WDPCP: variants seen among roughly 807,000 people sequenced by gnomAD.
The protein encoded by WDPCP is WD repeat-containing and planar cell polarity effector protein fritz homolog.
WDPCP carries 71 observed loss-of-function variants against 93.1 expected under a neutral mutation model. The observed-to-expected ratio is 0.76, with a 90% CI of 0.63 to 0.93. WDPCP has a LOEUF of 0.93. Ranked by LOEUF, WDPCP falls within the 40% of genes least tolerant of loss-of-function variation. WDPCP has a pLI of 0.00. For synonymous variants in WDPCP, 315 were observed against 315.0 expected, an observed-to-expected ratio of 1.00 and a Z score of 0.00; for missense variants, 844 against 887.4, an observed-to-expected ratio of 0.95 and a Z score of 0.62.
chr2:63,494,293 C>CGACGACGACAATGATGATGACGAT (rs1701081484), intron 1 of WDPCP, among the ~76,000 whole-genome samples: 1 of 151,508 alleles, frequency 6.6e-6, no homozygotes, highest in Non-Finnish European at 1.5e-5. Context: ...ATGATGACGA[C>CGACGACGACAATGATGATGACGAT]GACGACGACA....
intron 2 of WDPCP, among the ~76,000 whole-genome samples, chr2:63,488,561 G>A (rs1700701127): frequency 6.6e-6 from 1 of 151,766 alleles, no homozygotes; most frequent in African/African-American, 2.4e-5. Context: ...AGGACTTCTT[G>A]GATACTGATA....
chr2:63,821,800 A>C (rs1671022724), intron 1 of WDPCP, among the ~76,000 whole-genome samples: 1 of 152,188 alleles, frequency 6.6e-6, no homozygotes, highest in Non-Finnish European at 1.5e-5. Flanking sequence ...CCCTACTCAA[A>C]GGCTTAAAGC....
chr2:63,764,860 T>A (rs905100735), intron 2 of WDPCP, among the ~76,000 whole-genome samples: 2 of 152,210 alleles, frequency 1.3e-5, no homozygotes, highest in Non-Finnish European at 2.9e-5. Flanking sequence ...TCATTCAGAT[T>A]ACTTTCCTAG....
intron 1 of WDPCP, among the ~76,000 whole-genome samples, chr2:63,557,248 G>A (rs1706201235): frequency 6.6e-6 from 1 of 152,202 alleles, no homozygotes; most frequent in Non-Finnish European, 1.5e-5. Context: ...CCAACAGTGT[G>A]CTGTATTCAA....
At chr2:63,264,723 G>T (rs1367517219) in intron 13 of WDPCP, among the ~76,000 whole-genome samples, 2 of 152,096 alleles carry the variant, frequency 1.3e-5, no homozygotes, top group African/African-American at 2.4e-5. Context: ...TTAAAAAAAT[G>T]GACCTAACAG....
At chr2:63,386,535 C>T (rs1313151357) in intron 10 of WDPCP, among the ~76,000 whole-genome samples, 3 of 151,994 alleles carry the variant, frequency 2.0e-5, no homozygotes, top group Non-Finnish European at 4.4e-5. Context: ...ATTAAAATGA[C>T]CATTAATTTC....
intron 12 of WDPCP, among the ~76,000 whole-genome samples, chr2:63,369,797 T>G (rs148133090): frequency 6.6e-6 from 1 of 152,324 alleles, no homozygotes; most frequent in Admixed American, 6.5e-5. Flanking sequence ...ATAATCATGA[T>G]ATTCCCTTTT....
chr2:63,135,142 G>C (rs1008435076), intron 17 of WDPCP, among the ~76,000 whole-genome samples: 1 of 152,008 alleles, frequency 6.6e-6, no homozygotes, highest in African/African-American at 2.4e-5. Context: ...AAAACAAAAA[G>C]CTCTGGATAA....
chr2:63,435,429 A>G (rs543310796), intron 8 of WDPCP, among the ~76,000 whole-genome samples: 1 of 152,278 alleles, frequency 6.6e-6, no homozygotes, highest in Admixed American at 6.5e-5. Flanking sequence ...TTAAGCTCTC[A>G]ATATCATTAA....
rs369304055 is a variant in WDPCP at position 63,597,377 on chromosome 2, G to A, written n.488+53282C>T. The A allele has an allele frequency of 3.9e-5, 53 of 1,344,594 alleles. No homozygotes were observed. The East Asian group carries it at 9.7e-4, about 25-fold the overall frequency. The allele number at this position is 1,344,594 out of a possible 1,614,324, so 83.3% of individuals were successfully genotyped here. A position where few individuals can be genotyped will look rare whatever the true frequency, so the allele number is the denominator to read the frequency against. On this transcript the variant is annotated intron_variant and non_coding_transcript_variant, in intron 3 of 4. Transcript: ENST00000467687. ...AACTTTGATGTTTAAGTAGCTCTGC[G>A]TATTTATTGCCATGTCCACAGATGT...
intron 1 of WDPCP, among the ~76,000 whole-genome samples, chr2:63,543,802 C>T (rs1383302357): frequency 6.6e-6 from 1 of 151,956 alleles, no homozygotes; most frequent in African/African-American, 2.4e-5. Flanking sequence ...AATCCTAGGG[C>T]ATTTTAGAAT....
chr2:63,460,437 CAAT>C (rs1698928224), intron 6 of WDPCP, among the ~76,000 whole-genome samples: 1 of 152,028 alleles, frequency 6.6e-6, no homozygotes, highest in Non-Finnish European at 1.5e-5. Flanking sequence ...TACTTAGCAA[CAAT>C]ATTATGTATA....
rs564328272 is a variant in WDPCP at position 63,170,993 on chromosome 2, A to C, written c.2078+3677T>G. Among the ~76,000 whole-genome samples, 3 of 152,228 alleles carry C rather than the reference A, an allele frequency of 2.0e-5. No homozygotes were observed. The East Asian group carries it at 5.8e-4, about 29-fold the overall frequency. ...AATGAGTTTTTTTTCTTCCTCAAAAAAATACTGGGGAAACGTGTATTTCTA... is the reference window on the plus strand; with the variant it reads ...AATGAGTTTTTTTTCTTCCTCAAAACAATACTGGGGAAACGTGTATTTCTA... On this transcript the variant is annotated intron_variant, in intron 15 of 17. Coordinates refer to ENST00000272321, the MANE Select transcript of WDPCP (RefSeq NM_015910.7).
rs186430919 is a variant in WDPCP, at chr2:63,434,326, C to T, written c.634-390G>A. 1.4e-3 allele frequency among the ~76,000 whole-genome samples: 213 copies of T among 152,152 alleles called. 1 individual carries two copies. The highest frequency in any genetic ancestry group is 7.2e-4 in the Non-Finnish European group (49 of 68,000). ...AAGAGAGTCTCACTACTGTTTAAGA[C>T]ATAACGTGTTAACAATGACTGACAA... On this transcript the variant is annotated intron_variant, in intron 8 of 17. Coordinates refer to ENST00000272321, the MANE Select transcript of WDPCP (RefSeq NM_015910.7).
intron 10 of WDPCP, among the ~76,000 whole-genome samples, chr2:63,393,612 C>G (rs907388024): frequency 6.6e-6 from 1 of 151,138 alleles, no homozygotes; most frequent in African/African-American, 2.4e-5. Context: ...GTCTGAATAG[C>G]TAACACGATC....
chr2:63,720,427 A>AC (rs1553452386), intron 2 of WDPCP, among the ~76,000 whole-genome samples: 23 of 151,890 alleles, frequency 1.5e-4, no homozygotes, highest in African/African-American at 5.1e-4. Context: ...AAAAAAAAAA[A>AC]AAAACAAAAC....
intron 2 of WDPCP, among the ~76,000 whole-genome samples, chr2:63,803,371 G>T (rs1670721307): frequency 6.6e-6 from 1 of 152,082 alleles, no homozygotes; most frequent in African/African-American, 2.4e-5. Context: ...AACTGGTATG[G>T]TATTTCTTTT....
chr2:63,494,634 G>C (rs1238289684), intron 1 of WDPCP, among the ~76,000 whole-genome samples: 1 of 152,094 alleles, frequency 6.6e-6, no homozygotes, highest in Admixed American at 6.5e-5. Context: ...AAGATGGCAT[G>C]ACCCGGCCAG....
At chr2:63,314,916 GA>G (rs1686517893) in intron 12 of WDPCP, among the ~76,000 whole-genome samples, 1 of 152,152 alleles carries the variant, frequency 6.6e-6, no homozygotes, top group South Asian at 2.1e-4. Flanking sequence ...AATTAAGGGG[GA>G]TAAGTTAGGA....
Sources: gnomAD v4.1 joint callset for allele counts (sites outside exome capture counted in the v4.1 genomes callset) on GRCh38, gnomAD v4.1.1 for gene constraint, MANE v1.5 for transcripts, NCBI Gene and HGNC (gene_info 2026-07-23, HGNC 2026-07-21) for gene names.